The following FER1L6 variants were observed in gnomAD, a reference collection of about 807,000 sequenced individuals.
The protein encoded by FER1L6 is fer-1-like protein 6.
FER1L6 carries 177 observed loss-of-function variants against 219.2 expected under a neutral mutation model. The ratio of observed to expected loss-of-function variants is 0.81; its 90% CI spans 0.71 to 0.91. FER1L6 has a LOEUF of 0.91. Ranked by LOEUF, FER1L6 falls within the 40% of genes least tolerant of loss-of-function variation. The pLI, the probability that FER1L6 is intolerant of heterozygous loss-of-function variation, is 0.00. For synonymous variants in FER1L6, 768 were observed against 824.3 expected (o/e 0.93, Z 1.17); for missense variants, 2,153 against 2,259.9 (o/e 0.95, Z 0.96).
intron 36 of FER1L6, 60 bp downstream of exon 36, chr8:124,097,419 A>G (rs1201854919): frequency 1.6e-6 from 2 of 1,226,856 alleles, no homozygotes; most frequent in Non-Finnish European, 2.4e-6. Context: ...TGAAAGAATC[A>G]TGACATTTTA....
chr8:123,888,805 T>C (rs9656953), intron 1 of FER1L6, among the ~76,000 whole-genome samples: 26,270 of 152,116 alleles, frequency 0.17, 2,600 homozygotes, highest in African/African-American at 0.27. Context: ...TTTGTGTGAG[T>C]GTGTGTATAT....
At position 124,069,374 on chromosome 8, in the gene FER1L6, G is replaced by A; in HGVS notation, c.3733G>A (p.Glu1245Lys). 1.2e-6 allele frequency: 2 copies of A among 1,612,218 alleles called. No homozygotes were observed. The highest frequency in any genetic ancestry group is 1.7e-6 in the Non-Finnish European group (2 of 1,179,254). The change falls in exon 29 of 41, where the codon GAG (glutamate) becomes AAG (lysine). Residue 1245 changes from glutamate to lysine, a missense_variant. Glu to Lys is a moderately conservative substitution (Grantham distance 56). Coordinates refer to ENST00000522917, the MANE Select transcript of FER1L6 (RefSeq NM_001039112.2). The stretch of plus-strand genomic sequence containing the variant: ...AATATCCACAGAGGCAAAGCCAGAT[G>A]AGGTAGTGGTAGATATAGAAGATGG... ...KKGNTEAKPD[E>K]VVVDIEDGPK...
At chr8:124,015,736 A>G (rs1415295667) in intron 15 of FER1L6, 4 of 151,910 alleles carry the variant, frequency 2.6e-5, no homozygotes, top group South Asian at 4.2e-4. Context: ...TAACTTCTCT[A>G]TGTTAGGGGA....
intron 35 of FER1L6, among the ~76,000 whole-genome samples, chr8:124,095,854 G>C (rs546321592): frequency 6.6e-6 from 1 of 152,218 alleles, no homozygotes; most frequent in Admixed American, 6.5e-5. Flanking sequence ...TTGAAGTTCA[G>C]AGAGCTCAAT....
chr8:123,865,202 C>G (rs1235755046), intron 1 of FER1L6, among the ~76,000 whole-genome samples: 2 of 148,788 alleles, frequency 1.3e-5, no homozygotes, highest in Non-Finnish European at 2.9e-5. Context: ...TTCTAACAGA[C>G]AGGACCCTCA....
At chr8:123,987,470 A>C (rs968823087) in intron 12 of FER1L6, among the ~76,000 whole-genome samples, 7 of 151,906 alleles carry the variant, frequency 4.6e-5, no homozygotes, top group African/African-American at 1.7e-4. Context: ...TGTTCTGTGG[A>C]TTGTCTCCTC....
chr8:123,970,647 AGACCTCAG>A (rs377462530), intron 6 of FER1L6, among the ~76,000 whole-genome samples: 11 of 152,300 alleles, frequency 7.2e-5, no homozygotes, highest in African/African-American at 2.6e-4. Context: ...CTCTGAGTGT[AGACCTCAG>A]GACCTGCCCT....
At chr8:123,863,053 T>A (rs1816772546) in intron 1 of FER1L6, among the ~76,000 whole-genome samples, 1 of 136,672 alleles carries the variant, frequency 7.3e-6, no homozygotes, top group African/African-American at 3.3e-5. Flanking sequence ...GCTTTTCTAG[T>A]TCTTTTAATT....
intron 1 of FER1L6, among the ~76,000 whole-genome samples, chr8:123,945,193 G>T (rs1367187721): frequency 6.6e-6 from 1 of 152,160 alleles, no homozygotes; most frequent in Non-Finnish European, 1.5e-5. Context: ...AGACTGGGAA[G>T]CCCCTGTATA....
At chr8:124,032,606 T>C (rs1391614791) in intron 18 of FER1L6, among the ~76,000 whole-genome samples, 1 of 152,000 alleles carries the variant, frequency 6.6e-6, no homozygotes, top group Admixed American at 6.6e-5. Context: ...CCGGGCATGG[T>C]GGTGCCTGCT....
At position 124,103,136 on chromosome 8, in the gene FER1L6, C is replaced by T; in HGVS notation, c.5126-10C>T. The T allele has an allele frequency of 6.2e-7, 1 of 1,612,532 alleles. No homozygotes were observed. Among genetic ancestry groups the T allele is most frequent in the Non-Finnish European group, 8.5e-7 (1 of 1,179,354 alleles). ...ATGCTTCCCTAACTGTTAGGGTCATCTCTCCACAGGCACCCTGGAAATGAA... is the reference window on the plus strand; with the variant it reads ...ATGCTTCCCTAACTGTTAGGGTCATTTCTCCACAGGCACCCTGGAAATGAA... On this transcript the variant is annotated splice_polypyrimidine_tract_variant and intron_variant, in intron 38 of 40. Coordinates refer to ENST00000522917, the MANE Select transcript of FER1L6 (RefSeq NM_001039112.2).
At chr8:123,887,662 C>T (rs893183285) in intron 1 of FER1L6, among the ~76,000 whole-genome samples, 6 of 151,112 alleles carry the variant, frequency 4.0e-5, no homozygotes, top group Middle Eastern at 3.4e-3. Flanking sequence ...CTGACTGTTT[C>T]AGTATAGATA....
intron 20 of FER1L6, among the ~76,000 whole-genome samples, chr8:124,040,946 A>G (rs1019408642): frequency 6.6e-6 from 1 of 152,200 alleles, no homozygotes; most frequent in Non-Finnish European, 1.5e-5. Context: ...CAAATATGCA[A>G]ATCATAGTAT....
At chr8:123,936,467 T>TTG (rs1814008156) in intron 1 of FER1L6, among the ~76,000 whole-genome samples, 2 of 120,498 alleles carry the variant, frequency 1.7e-5, no homozygotes, top group Non-Finnish European at 3.5e-5. Flanking sequence ...AGCCTGTTTT[T>TTG]TTTTTTTTTT....
In FER1L6 at chr8:124,068,959, C is replaced by T. The variant is rs572999869; in HGVS notation, c.3719-401C>T. The stretch of plus-strand genomic sequence containing the variant: ...TTCTTTTTTTTTTTTTTTTCCGAGA[C>T]GGAGTCTTGCTCTGTCGCCCAGGCT... On this transcript the variant is annotated intron_variant, in intron 28 of 40. Transcript: ENST00000522917. Among the ~76,000 whole-genome samples, 14 of 145,324 alleles carry T rather than the reference C, an allele frequency of 9.6e-5. No individual in the cohort carries two copies. In the East Asian group the frequency reaches 1.7e-3, roughly 17 times the overall value.
chr8:123,914,139 C>T lies in FER1L6; in HGVS notation c.-7-41853C>T, dbSNP rs137962988. Among the ~76,000 whole-genome samples the T allele has an allele frequency of 3.8e-3, 583 of 152,292 alleles. 3 individuals are homozygous for T. Among genetic ancestry groups the T allele is most frequent in the Non-Finnish European group, 6.4e-3 (435 of 68,026 alleles). ...TTGCACTAGCCACATTTCAAATGTT[C>T]AGTAGTCACATAGATTGGTGGCTAC... On this transcript the variant is annotated intron_variant, in intron 1 of 40. Transcript: ENST00000522917.
Position 124,023,159 on chromosome 8 carries a change from C to T in FER1L6, c.2134-285C>T, listed in dbSNP as rs1044406272. The stretch of plus-strand genomic sequence containing the variant: ...CTCGAACTCCTGACCTCATGATCCA[C>T]GTGCCTTGGCCTCCCAAAGTGCTGG... On this transcript the variant is annotated intron_variant, in intron 17 of 40. Transcript: ENST00000522917. Among the ~76,000 whole-genome samples, 3 of 152,294 alleles carry T rather than the reference C, an allele frequency of 2.0e-5. No homozygotes were observed. The South Asian group carries it at 6.2e-4, about 32-fold the overall frequency.
chr8:123,971,365 T>A (rs1396977670), intron 6 of FER1L6, among the ~76,000 whole-genome samples: 3 of 152,198 alleles, frequency 2.0e-5, no homozygotes, highest in Non-Finnish European at 2.9e-5. Context: ...AGGTGATATT[T>A]CAGGACCTGG....
intron 21 of FER1L6, chr8:124,046,396 T>C (rs937231453): frequency 6.5e-6 from 1 of 153,022 alleles, no homozygotes; most frequent in Non-Finnish European, 1.5e-5. Flanking sequence ...CACTTTAATC[T>C]CTATCCCTTT....
Sources: allele counts gnomAD v4.1 joint callset (sites outside exome capture counted in the v4.1 genomes callset), GRCh38; gene constraint gnomAD v4.1.1; transcripts MANE v1.5; gene names NCBI Gene and HGNC (gene_info 2026-07-23, HGNC 2026-07-21).